CDH13: variants seen among roughly 807,000 people sequenced by gnomAD.
CDH13 encodes the protein cadherin-13.
Under a neutral mutation model 63.8 loss-of-function variants are expected in CDH13, and 24 were observed. The observed-to-expected ratio is 0.38, with a 90% CI of 0.27 to 0.53. The LOEUF is 0.53. Among genes scored for constraint, CDH13 ranks in the 20% least tolerant of loss-of-function variants. CDH13 has a pLI of 0.85. For missense variants in CDH13, 1,049 were observed against 903.1 expected (o/e 1.16, Z -2.07); for synonymous variants, 503 against 355.3 (o/e 1.42, Z -4.67).
chr16:82,940,246 C>T (rs1463422504), intron 2 of CDH13, among the ~76,000 whole-genome samples: 1 of 152,184 alleles, frequency 6.6e-6, no homozygotes. Context: ...AGTATAAATC[C>T]TGGTTCCGTC....
chr16:82,639,310 A>T, intron 1 of CDH13: 18 of 1,332,666 alleles, frequency 1.4e-5, no homozygotes, highest in Non-Finnish European at 1.9e-5. Flanking sequence ...GAACAGGGTC[A>T]GCCCGGGGTC....
chr16:83,067,454 A>C (rs144224819), intron 3 of CDH13, among the ~76,000 whole-genome samples: 1 of 152,352 alleles, frequency 6.6e-6, no homozygotes, highest in East Asian at 1.9e-4. Flanking sequence ...CAAGTAAAAG[A>C]ACCCATATAG....
rs1343131520 is a variant in CDH13 at position 83,498,741 on chromosome 16, A to T, written c.960+12086A>T. ...ATATTTATATGTGTGGTAAGCTTGC[A>T]GAATAAATAGATTTTGAACTTTCTT... On this transcript the variant is annotated intron_variant, in intron 7 of 13. Coordinates refer to ENST00000567109, the MANE Select transcript of CDH13 (RefSeq NM_001257.5). Among the ~76,000 whole-genome samples, 8 of 152,240 alleles carry T rather than the reference A, an allele frequency of 5.3e-5. No homozygotes were observed. The East Asian group carries it at 1.5e-3, about 29-fold the overall frequency.
intron 10 of CDH13, among the ~76,000 whole-genome samples, chr16:83,685,215 A>G (rs1205938688): frequency 2.0e-5 from 3 of 152,228 alleles, no homozygotes; most frequent in Non-Finnish European, 4.4e-5. Flanking sequence ...AAGTATGGTC[A>G]TTTGACTGGG....
intron 9 of CDH13, among the ~76,000 whole-genome samples, chr16:83,672,861 C>T (rs889180317): frequency 6.6e-6 from 1 of 152,172 alleles, no homozygotes; most frequent in Non-Finnish European, 1.5e-5. Context: ...GGAAAATTGT[C>T]TGACAGATTT....
chr16:83,238,933 C>G (rs1434470747), intron 5 of CDH13, among the ~76,000 whole-genome samples: 1 of 152,124 alleles, frequency 6.6e-6, no homozygotes, highest in Non-Finnish European at 1.5e-5. Context: ...GGGCTAAGAG[C>G]AGAGTTTGGG....
At chr16:83,307,938 T>C (rs1272326618) in intron 5 of CDH13, among the ~76,000 whole-genome samples, 2 of 152,172 alleles carry the variant, frequency 1.3e-5, no homozygotes, top group Non-Finnish European at 2.9e-5. Flanking sequence ...TCATTCAAAA[T>C]ATGTATTTTT....
chr16:82,983,818 C>G (rs147896829), intron 2 of CDH13, among the ~76,000 whole-genome samples: 66 of 152,260 alleles, frequency 4.3e-4, no homozygotes, highest in African/African-American at 1.5e-3. Context: ...TTCACCAGCA[C>G]CTGGGACTGA....
intron 5 of CDH13, among the ~76,000 whole-genome samples, chr16:83,283,549 C>G (rs766362879): frequency 5.9e-5 from 9 of 152,180 alleles, no homozygotes; most frequent in Non-Finnish European, 1.3e-4. Flanking sequence ...CAAGATTGCG[C>G]TACTGCACTC....
chr16:83,539,939 C>G (rs1055118213), intron 7 of CDH13, among the ~76,000 whole-genome samples: 1 of 152,218 alleles, frequency 6.6e-6, no homozygotes, highest in African/African-American at 2.4e-5. Context: ...AATTCCCTGA[C>G]ATTCCATTGG....
intron 8 of CDH13, among the ~76,000 whole-genome samples, chr16:83,652,171 T>G (rs1478463529): frequency 6.6e-6 from 1 of 152,188 alleles, no homozygotes; most frequent in Admixed American, 6.5e-5. Context: ...GAAATGGGAA[T>G]CAGTGGTGCA....
chr16:83,320,441 C>G (rs935833634), intron 5 of CDH13, among the ~76,000 whole-genome samples: 3 of 152,048 alleles, frequency 2.0e-5, no homozygotes, highest in Non-Finnish European at 4.4e-5. Context: ...CCAGGCATTG[C>G]TAGAAAGTGG....
chr16:83,361,466 G>GC (rs1303710994), intron 6 of CDH13, among the ~76,000 whole-genome samples: 1 of 152,026 alleles, frequency 6.6e-6, no homozygotes, highest in Non-Finnish European at 1.5e-5. Context: ...TGTTTTCCTT[G>GC]TGATTGCTTT....
intron 7 of CDH13, among the ~76,000 whole-genome samples, chr16:83,575,552 G>T (rs1294821095): frequency 1.3e-5 from 2 of 152,248 alleles, no homozygotes; most frequent in South Asian, 2.1e-4. Context: ...CAGCCCGGGG[G>T]TTTCCATCTT....
chr16:83,376,268 C>G (rs1266950479), intron 6 of CDH13, among the ~76,000 whole-genome samples: 1 of 152,120 alleles, frequency 6.6e-6, no homozygotes, highest in Admixed American at 6.6e-5. Flanking sequence ...GTGCCCATCC[C>G]TGAATTAGTC....
chr16:83,663,936 G>A (rs1000214031), intron 8 of CDH13, among the ~76,000 whole-genome samples: 2 of 151,156 alleles, frequency 1.3e-5, no homozygotes, highest in African/African-American at 4.9e-5. Context: ...AAGGCAGGAA[G>A]ATCACTTGAG....
intron 7 of CDH13, among the ~76,000 whole-genome samples, chr16:83,498,933 C>G (rs543413285): frequency 1.7e-3 from 253 of 152,296 alleles, no homozygotes; most frequent in African/African-American, 6.0e-3. Context: ...AGAACAGACT[C>G]TCTCCTGCCC....
intron 2 of CDH13, among the ~76,000 whole-genome samples, chr16:82,889,903 G>A (rs1457871224): frequency 1.3e-5 from 2 of 152,256 alleles, no homozygotes; most frequent in South Asian, 2.1e-4. Flanking sequence ...AGAGAGTATA[G>A]ACTCTTCTTT....
Position 82,793,263 on chromosome 16 carries a change from G to A in CDH13, c.46-65099G>A, listed in dbSNP as rs551262403. Among the ~76,000 whole-genome samples, 17 of 152,272 alleles carry A rather than the reference G, an allele frequency of 1.1e-4. No individual in the cohort carries two copies. The South Asian group carries it at 3.5e-3, about 32-fold the overall frequency. ...CAATCAACCTGTGAGAAGACAAGGT[G>A]TGCAGACATTGTGGATCTGAGCGAG... On this transcript the variant is annotated intron_variant, in intron 1 of 13. Transcript: ENST00000567109.
Sources: allele counts gnomAD v4.1 joint callset (sites outside exome capture counted in the v4.1 genomes callset), GRCh38; gene constraint gnomAD v4.1.1; transcripts MANE v1.5; gene names NCBI Gene and HGNC (gene_info 2026-07-23, HGNC 2026-07-21).